Variants in GALNT14 observed in about 807,000 individuals in gnomAD.
GALNT14 encodes UDP-GalNAc:polypeptide N-acetylgalactosaminyltransferase 14.
In GALNT14, 60 loss-of-function variants were observed where a neutral mutation model predicts 77.5. The observed-to-expected ratio is 0.77, with a 90% CI of 0.63 to 0.96. The LOEUF (loss-of-function observed/expected upper bound fraction) is 0.96. Among genes scored for constraint, GALNT14 ranks in the 40% least tolerant of loss-of-function variants. The pLI is 0.00. For synonymous variants in GALNT14, 280 were observed against 281.7 expected, an observed-to-expected ratio of 0.99 and a Z score of 0.06; for missense variants, 710 against 731.0, an observed-to-expected ratio of 0.97 and a Z score of 0.33.
intron 8 of GALNT14, 96 bp downstream of exon 8, chr2:30,944,762 T>C: frequency 1.0e-6 from 1 of 983,024 alleles, no homozygotes; most frequent in Non-Finnish European, 1.5e-6. Context: ...CTTTGTCTGC[T>C]TGATGCTTTG....
intron 1 of GALNT14, among the ~76,000 whole-genome samples, chr2:31,029,912 TTGGC>T (rs1462805209): frequency 6.6e-6 from 1 of 152,266 alleles, no homozygotes; most frequent in African/African-American, 2.4e-5. Context: ...AAATACTACC[TTGGC>T]TGAGTTCGAG....
At chr2:30,932,916 C>T (rs945692708) in intron 9 of GALNT14, among the ~76,000 whole-genome samples, 2 of 152,100 alleles carry the variant, frequency 1.3e-5, no homozygotes, top group African/African-American at 4.8e-5. Context: ...TGCTGGTGTC[C>T]CCTAGGTTTG....
intron 1 of GALNT14, among the ~76,000 whole-genome samples, chr2:31,011,767 C>T (rs1671045269): frequency 6.6e-6 from 1 of 152,196 alleles, no homozygotes; most frequent in South Asian, 2.1e-4. Flanking sequence ...CTCTGCCCAC[C>T]CCATGCCGAG....
intron 6 of GALNT14, among the ~76,000 whole-genome samples, chr2:30,951,512 T>C (rs1219950308): frequency 6.6e-6 from 1 of 152,056 alleles, no homozygotes; most frequent in African/African-American, 2.4e-5. Context: ...CCTTTTGGGG[T>C]GATGAAAACT....
chr2:31,067,972 G>C (rs375907305), intron 1 of GALNT14, among the ~76,000 whole-genome samples: 1 of 152,100 alleles, frequency 6.6e-6, no homozygotes, highest in East Asian at 1.9e-4. Context: ...CTCTTCCTTC[G>C]TGTGGGCCTT....
chr2:31,083,029 AAG>A (rs1203235319), intron 1 of GALNT14, among the ~76,000 whole-genome samples: 2 of 152,294 alleles, frequency 1.3e-5, no homozygotes, highest in East Asian at 3.9e-4. Flanking sequence ...AAAAAAGAAA[AAG>A]AAAAAAACAA....
chr2:31,096,569 C>T (rs574687531), intron 1 of GALNT14, among the ~76,000 whole-genome samples: 1 of 152,184 alleles, frequency 6.6e-6, no homozygotes, highest in Non-Finnish European at 1.5e-5. Flanking sequence ...TGCCTTGTCT[C>T]ATTTGATCCC....
intron 1 of GALNT14, among the ~76,000 whole-genome samples, chr2:30,994,544 T>C (rs1474272450): frequency 1.3e-5 from 2 of 152,220 alleles, no homozygotes; most frequent in African/African-American, 4.8e-5. Context: ...GAGATTTTTA[T>C]CCAATAATTG....
At chr2:31,086,419 T>C in intron 1 of GALNT14, among the ~76,000 whole-genome samples, 1 of 152,094 alleles carries the variant, frequency 6.6e-6, no homozygotes, top group East Asian at 1.9e-4. Context: ...AACCTTTTCC[T>C]TTCCCTCCCG....
intron 1 of GALNT14, among the ~76,000 whole-genome samples, chr2:31,014,050 G>A (rs1862969): frequency 0.67 from 102,631 of 152,094 alleles, 34,968 homozygotes; most frequent in East Asian, 0.83. Context: ...TGGCTCCACT[G>A]CTTACTGTTT....
intron 1 of GALNT14, among the ~76,000 whole-genome samples, chr2:30,999,228 A>G (rs1473675723): frequency 6.6e-6 from 1 of 152,206 alleles, no homozygotes; most frequent in African/African-American, 2.4e-5. Context: ...TCCTGGGTCC[A>G]GCTAGTGACA....
chr2:31,115,657 T>C (rs112055058), intron 1 of GALNT14, among the ~76,000 whole-genome samples: 1,649 of 152,224 alleles, frequency 0.011, 13 homozygotes, highest in South Asian at 0.03. Flanking sequence ...CAAAGCCCAG[T>C]AATTAGGGGT....
chr2:31,036,235 T>C (rs1248443865), intron 1 of GALNT14, among the ~76,000 whole-genome samples: 1 of 152,242 alleles, frequency 6.6e-6, no homozygotes, highest in African/African-American at 2.4e-5. Flanking sequence ...CCTTCTTTTA[T>C]GTTAAATGGA....
At chr2:30,901,742 C>T in the GALNT14 span, among the ~76,000 whole-genome samples, 3 of 152,090 alleles carry the variant, frequency 2.0e-5, no homozygotes, top group Non-Finnish European at 4.4e-5. Context: ...ACACACATCA[C>T]ACCAATAAAA....
intron 1 of GALNT14, among the ~76,000 whole-genome samples, chr2:31,134,697 C>T (rs182426420): frequency 6.6e-6 from 1 of 152,276 alleles, no homozygotes; most frequent in East Asian, 1.9e-4. Flanking sequence ...ACACAAACCC[C>T]CTGGGAGCTC....
chr2:30,967,521 C>T (rs1028199831), intron 2 of GALNT14, among the ~76,000 whole-genome samples: 4 of 152,176 alleles, frequency 2.6e-5, no homozygotes, highest in Non-Finnish European at 4.4e-5. Flanking sequence ...CGTGGGTCAT[C>T]CAGGAGGAGC....
intron 14 of GALNT14, 107 bp downstream of exon 14, chr2:30,912,116 C>G: frequency 4.2e-6 from 6 of 1,415,644 alleles, no homozygotes; most frequent in Non-Finnish European, 5.8e-6. Context: ...CTTATCAACT[C>G]TTCCTCTTCT....
Position 31,138,121 on chromosome 2 carries a change from G to C in GALNT14, c.-35C>G. On this transcript the variant is annotated 5_prime_UTR_variant, in exon 1 of 15. Transcript: ENST00000349752. ...TGCCGCTTCCTCTCCGCGGCGCTAC[G>C]TCCCGGGGGCACCCCCCGGCGGTCA... The C allele has an allele frequency of 6.2e-7, 1 of 1,612,934 alleles. No individual in the cohort carries two copies. The highest frequency in any genetic ancestry group is 8.5e-7 in the Non-Finnish European group (1 of 1,179,532).
At chr2:31,101,992 C>A (rs1354482849) in intron 1 of GALNT14, among the ~76,000 whole-genome samples, 1 of 152,072 alleles carries the variant, frequency 6.6e-6, no homozygotes. Context: ...GCTTCCCCTT[C>A]CCCCAAGATT....
Sources: allele counts gnomAD v4.1 joint callset (sites outside exome capture counted in the v4.1 genomes callset), GRCh38; gene constraint gnomAD v4.1.1; transcripts MANE v1.5; gene names NCBI Gene and HGNC (gene_info 2026-07-23, HGNC 2026-07-21).